Variants in TJP1 observed in about 807,000 individuals in gnomAD.
The protein encoded by TJP1 is tight junction protein ZO-1.
Under a neutral mutation model 194.2 loss-of-function variants are expected in TJP1, and 43 were observed. The ratio of observed to expected loss-of-function variants is 0.22; its 90% CI spans 0.17 to 0.29. The LOEUF (loss-of-function observed/expected upper bound fraction) is 0.29, where lower values mean the gene tolerates loss of function less well. TJP1 is among the 10% of genes least tolerant of loss of function. The pLI is 1.00. For synonymous variants in TJP1, 801 were observed against 779.0 expected, an observed-to-expected ratio of 1.03 and a Z score of -0.47; for missense variants, 1,971 against 2,185.7, an observed-to-expected ratio of 0.90 and a Z score of 1.96.
chr15:29,949,616 A>ACCACCACCTCCACCT (rs2055530169), intron 2 of TJP1, among the ~76,000 whole-genome samples: 1 of 88,916 alleles, frequency 1.1e-5, no homozygotes, highest in African/African-American at 5.4e-5. Context: ...CACCTTCACC[A>ACCACCACCTCCACCT]CCACCACCTC....
chr15:29,834,401 G>A (rs1451068712), intron 2 of TJP1, among the ~76,000 whole-genome samples: 2 of 151,868 alleles, frequency 1.3e-5, no homozygotes, highest in East Asian at 3.9e-4. Flanking sequence ...TGTGTTTTTG[G>A]TAGAGACAGA....
chr15:29,799,665 T>G (rs1394960024), intron 2 of TJP1, among the ~76,000 whole-genome samples: 1 of 152,174 alleles, frequency 6.6e-6, no homozygotes, highest in Non-Finnish European at 1.5e-5. Flanking sequence ...TCTGCCTGCC[T>G]CAGCCTCCCA....
At chr15:29,805,130 G>A (rs568658975) in intron 1 of TJP1, among the ~76,000 whole-genome samples, 2 of 152,152 alleles carry the variant, frequency 1.3e-5, no homozygotes, top group Non-Finnish European at 2.9e-5. Flanking sequence ...TGAGTTCTGC[G>A]CACATTTCTA....
At chr15:29,768,252 A>G (rs953696000) in intron 4 of TJP1, among the ~76,000 whole-genome samples, 1 of 152,228 alleles carries the variant, frequency 6.6e-6, no homozygotes, top group African/African-American at 2.4e-5. Context: ...AAAGGAGGAC[A>G]GCCAATGCCC....
intron 2 of TJP1, among the ~76,000 whole-genome samples, chr15:29,908,360 C>G (rs191727410): frequency 6.6e-6 from 1 of 152,098 alleles, no homozygotes; most frequent in Non-Finnish European, 1.5e-5. Context: ...AGTGATAACA[C>G]TGGGAACTAG....
chr15:29,846,148 C>CT, intron 2 of TJP1, among the ~76,000 whole-genome samples: 1 of 152,202 alleles, frequency 6.6e-6, no homozygotes, highest in African/African-American at 2.4e-5. Context: ...CTCAACTGAT[C>CT]TTTAAGAGAC....
chr15:29,807,365 T>C (rs542032886), intron 1 of TJP1, among the ~76,000 whole-genome samples: 1 of 152,322 alleles, frequency 6.6e-6, no homozygotes, highest in East Asian at 1.9e-4. Flanking sequence ...TAGGGACAGT[T>C]ACAAATATTC....
chr15:29,798,722 C>T (rs12908787), intron 2 of TJP1, among the ~76,000 whole-genome samples: 5,969 of 152,220 alleles, frequency 0.039, 299 homozygotes, highest in East Asian at 0.18. Context: ...AACCTGTACA[C>T]TAGAGGTTTG....
chr15:29,897,696 T>C (rs1356263415), intron 2 of TJP1, among the ~76,000 whole-genome samples: 1 of 152,186 alleles, frequency 6.6e-6, no homozygotes, highest in Non-Finnish European at 1.5e-5. Context: ...ACCATGGGAA[T>C]CCACCTCTTG....
intron 2 of TJP1, among the ~76,000 whole-genome samples, chr15:29,790,669 G>A (rs1338633662): frequency 6.6e-6 from 1 of 151,068 alleles, no homozygotes; most frequent in Non-Finnish European, 1.5e-5. Context: ...CATTAACCAA[G>A]TCTTCCATCC....
rs1315613060 is a variant in TJP1 at position 29,761,737 on chromosome 15, C to T, written c.726G>A (p.Leu242=). The T allele has an allele frequency of 6.3e-7, 1 of 1,582,032 alleles. No homozygotes were observed. The highest frequency in any genetic ancestry group is 1.1e-5 in the South Asian group (1 of 87,656). The part of the protein sequence containing the change: ...INGTVTENMS[L]TDAKTLIERS... The stretch of plus-strand genomic sequence containing the variant: ...TTTCTATCAATGTCTTTGCATCTGT[C>T]AATGACATATTTTCTGTCACAGTAC... Residue 242 remains leucine (L), a synonymous_variant, in exon 7 of 28, where the codon TTG becomes TTA. Coordinates refer to ENST00000614355, the MANE Select transcript of TJP1 (RefSeq NM_001330239.4).
chr15:29,858,237 T>TA (rs2051937809), intron 2 of TJP1, among the ~76,000 whole-genome samples: 1 of 151,940 alleles, frequency 6.6e-6, no homozygotes, highest in Non-Finnish European at 1.5e-5. Context: ...TTCGTCTCTA[T>TA]AAAAAATACA....
intron 2 of TJP1, among the ~76,000 whole-genome samples, chr15:29,836,445 TG>T (rs1368365060): frequency 2.0e-5 from 3 of 151,712 alleles, no homozygotes; most frequent in African/African-American, 7.3e-5. Flanking sequence ...GCTAATTTTT[TG>T]TATTTTAGTA....
intron 2 of TJP1, among the ~76,000 whole-genome samples, chr15:29,942,653 G>A (rs985950054): frequency 1.3e-5 from 2 of 152,292 alleles, no homozygotes; most frequent in African/African-American, 4.8e-5. Context: ...GATTAATAAC[G>A]GTGATAATTC....
At chr15:29,950,048 ACCACCACCT>A (rs2055629447) in intron 2 of TJP1, among the ~76,000 whole-genome samples, 1 of 67,418 alleles carries the variant, frequency 1.5e-5, no homozygotes, top group African/African-American at 6.9e-5. Context: ...CACCTCCACC[ACCACCACCT>A]CCACCACCAC....
intron 2 of TJP1, among the ~76,000 whole-genome samples, chr15:29,888,220 TA>T (rs964838169): frequency 9.9e-5 from 15 of 152,092 alleles, no homozygotes; most frequent in Non-Finnish European, 2.1e-4. Flanking sequence ...ATGAAAGTAT[TA>T]AAATATTTAT....
At chr15:29,943,792 T>C (rs1424776070) in intron 2 of TJP1, among the ~76,000 whole-genome samples, 9 of 10,504 alleles carry the variant, frequency 8.6e-4, no homozygotes, top group South Asian at 5.3e-3. Context: ...CTACTAAAAA[T>C]ACAAAAATTA....
intron 2 of TJP1, among the ~76,000 whole-genome samples, chr15:29,786,527 TC>T (rs2047711792): frequency 6.6e-6 from 1 of 152,220 alleles, no homozygotes; most frequent in Non-Finnish European, 1.5e-5. Flanking sequence ...AGAGACAGGG[TC>T]TCACTCTGTT....
chr15:29,719,751 T>A lies in TJP1; in HGVS notation c.3003+26A>T, dbSNP rs367628361. On this transcript the variant is annotated intron_variant, in intron 20 of 27. Coordinates refer to ENST00000614355, the MANE Select transcript of TJP1 (RefSeq NM_001330239.4). ...TGCCAGATTGATGGACAGCAACAAA[T>A]TAGTGCAACACCGCAGCACAGGTAC... 5.7e-6 allele frequency: 9 copies of A among 1,591,258 alleles called. No individual in the cohort carries two copies. The African/African-American group carries it at 1.2e-4, about 21-fold the overall frequency.
Sources: allele counts gnomAD v4.1 joint callset (sites outside exome capture counted in the v4.1 genomes callset), GRCh38; gene constraint gnomAD v4.1.1; transcripts MANE v1.5; gene names NCBI Gene and HGNC (gene_info 2026-07-23, HGNC 2026-07-21).